The following TNRC6C variants were observed in gnomAD, a reference collection of about 807,000 sequenced individuals.
TNRC6C encodes trinucleotide repeat containing adaptor 6C, also known as trinucleotide repeat-containing gene 6C protein.
A neutral mutation model predicts 153.7 loss-of-function variants in TNRC6C; 20 were observed. The ratio of observed to expected loss-of-function variants is 0.13; its 90% confidence interval spans 0.09 to 0.19. The LOEUF is 0.19. Ranked by LOEUF, TNRC6C falls within the 10% of genes least tolerant of loss-of-function variation. The pLI, the probability that TNRC6C is intolerant of heterozygous loss-of-function variation, is 1.00. For missense variants in TNRC6C, 1,987 were observed against 2,172.0 expected, an observed-to-expected ratio of 0.91 and a Z score of 1.69; for synonymous variants, 811 against 841.4, an observed-to-expected ratio of 0.96 and a Z score of 0.63.
At chr17:78,103,642 C>A in intron 19 of TNRC6C, 89 bp downstream of exon 22, 1 of 1,541,622 alleles carries the variant, frequency 6.5e-7, no homozygotes, top group South Asian at 1.2e-5. Flanking sequence ...GTGTCCTGAG[C>A]CACCATAGCA....
intron 17 of TNRC6C, among the ~76,000 whole-genome samples, chr17:78,098,894 C>A (rs989444822): frequency 5.3e-5 from 8 of 152,222 alleles, no homozygotes; most frequent in African/African-American, 9.6e-5. Flanking sequence ...TCTCTGCCCC[C>A]ATGACTCCCC....
rs759335833 is a variant in TNRC6C, at chr17:77,977,850, A to G, written c.-38+18582A>G. 5.4e-4 allele frequency among the ~76,000 whole-genome samples: 82 copies of G among 151,854 alleles called. 1 individual carries two copies. Among genetic ancestry groups the G allele is most frequent in the South Asian group, 4.2e-4 (2 of 4,810 alleles). ...GAGACTCTTAAAATAATTTACCAGA[A>G]AGTGTAATTCATCAGTATCAGTATT... On this transcript the variant is annotated intron_variant, in intron 1 of 22. Coordinates refer to the TNRC6C transcript ENST00000636222.
chr17:78,076,178 T>C (rs1446865289), intron 8 of TNRC6C, among the ~76,000 whole-genome samples: 1 of 149,986 alleles, frequency 6.7e-6, no homozygotes, highest in African/African-American at 2.5e-5. Flanking sequence ...ATCGTGCCAT[T>C]GCACTCCAGC....
chr17:77,967,187 C>G (rs2070904109), intron 1 of TNRC6C, among the ~76,000 whole-genome samples: 1 of 152,098 alleles, frequency 6.6e-6, no homozygotes, highest in South Asian at 2.1e-4. Flanking sequence ...TCTTTTCTAT[C>G]AACTTTAGAC....
intron 2 of TNRC6C, among the ~76,000 whole-genome samples, chr17:78,033,014 C>T (rs572943131): frequency 2.6e-5 from 4 of 152,318 alleles, no homozygotes; most frequent in African/African-American, 9.6e-5. Context: ...TACAATCAAA[C>T]ATGCTACTTT....
intron 1 of TNRC6C, among the ~76,000 whole-genome samples, chr17:77,987,779 A>G (rs1241137595): frequency 6.6e-6 from 1 of 152,108 alleles, no homozygotes; most frequent in Non-Finnish European, 1.5e-5. Context: ...TCCCGGGTTC[A>G]AGCGATTCTC....
At chr17:78,029,977 G>C (rs1424994951) in intron 1 of TNRC6C, among the ~76,000 whole-genome samples, 1 of 152,064 alleles carries the variant, frequency 6.6e-6, no homozygotes, top group Non-Finnish European at 1.5e-5. Context: ...TGAAGGACCT[G>C]CCTTAGGCTG....
intron 1 of TNRC6C, among the ~76,000 whole-genome samples, chr17:77,985,983 A>G (rs555817701): frequency 6.6e-6 from 1 of 152,262 alleles, no homozygotes; most frequent in Non-Finnish European, 1.5e-5. Flanking sequence ...TGCAGTATAG[A>G]TAAGTCAGTA....
chr17:78,023,413 G>GCTC (rs918377939), intron 1 of TNRC6C, among the ~76,000 whole-genome samples: 9 of 151,906 alleles, frequency 5.9e-5, no homozygotes, highest in South Asian at 4.2e-4. Context: ...TCCTTCTCCT[G>GCTC]CTCCTCCTCC....
At chr17:78,002,228 C>T (rs2071423550), upstream of TNRC6C, among the ~76,000 whole-genome samples, 1 of 152,112 alleles carries the variant, frequency 6.6e-6, no homozygotes, top group African/African-American at 2.4e-5. Flanking sequence ...TACAGATTTT[C>T]TCCACTGTAA....
At chr17:77,998,319 G>C (rs2071360937) in intron 1 of TNRC6C, among the ~76,000 whole-genome samples, 1 of 152,146 alleles carries the variant, frequency 6.6e-6, no homozygotes, top group Non-Finnish European at 1.5e-5. Context: ...AGTTTTCTTT[G>C]AGTTTATCTT....
intron 1 of TNRC6C, among the ~76,000 whole-genome samples, chr17:78,011,287 C>G (rs1482440582): frequency 1.3e-5 from 2 of 152,196 alleles, no homozygotes; most frequent in Non-Finnish European, 2.9e-5. Flanking sequence ...CAAGATGACA[C>G]CCATCATCCC....
At position 78,061,368 on chromosome 17, in the gene TNRC6C, T is replaced by C. The variant is rs138789773; in HGVS notation, c.2396-3354T>C. On this transcript the variant is annotated intron_variant, in intron 3 of 19. Transcript: ENST00000301624. ...TCTATGTACTTAAAATCATTTTCTG[T>C]GTGCTGAAAATACTTGTTTTGCATC... 1.1e-4 allele frequency among the ~76,000 whole-genome samples: 17 copies of C among 152,342 alleles called. No individual in the cohort carries two copies. In the East Asian group the frequency reaches 3.3e-3, roughly 29 times the overall value.
At chr17:77,977,082 A>G (rs1324396403) in intron 1 of TNRC6C, among the ~76,000 whole-genome samples, 1 of 151,664 alleles carries the variant, frequency 6.6e-6, no homozygotes, top group Non-Finnish European at 1.5e-5. Flanking sequence ...GATGGTATCT[A>G]TTTTATGGTA....
At chr17:78,102,725 G>A (rs2073619927) in intron 18 of TNRC6C, 181 bp downstream of exon 21, 1 of 584,034 alleles carries the variant, frequency 1.7e-6, no homozygotes, top group African/African-American at 1.9e-5. Context: ...AGCGGCAGCA[G>A]ATGGGGCCCA....
Position 78,051,149 on chromosome 17 carries a change from C to T in TNRC6C, c.2087C>T (p.Pro696Leu), listed in dbSNP as rs754877910. ...ACAGGAACAGGGTGGATCGGGGGGCCGGTACCGGTCAAACAGAAGGACAGC... is the reference window on the plus strand; with the variant it reads ...ACAGGAACAGGGTGGATCGGGGGGCTGGTACCGGTCAAACAGAAGGACAGC... The change falls in exon 3 of 20, where the codon CCG (proline) becomes CTG (leucine). Residue 696 changes from proline (P) to leucine (L), a missense_variant. Pro to Leu is a moderately conservative substitution (Grantham distance 98). Coordinates refer to ENST00000301624, the Ensembl canonical transcript of TNRC6C. 87 of 1,575,124 alleles carry T rather than the reference C, an allele frequency of 5.5e-5. No homozygotes were observed. The highest frequency in any genetic ancestry group is 3.4e-4 in the Middle Eastern group (2 of 5,950).
rs569931447 is a variant in TNRC6C, at chr17:77,963,803, C to G, written c.-38+4535C>G. Among the ~76,000 whole-genome samples, 4 of 152,294 alleles carry G rather than the reference C, an allele frequency of 2.6e-5. No homozygotes were observed. The South Asian group carries it at 8.3e-4, about 32-fold the overall frequency. ...TCTGAGTTCCAGCTATGCATTGGAACTTTGGTTTTCTAAAATATAGTAGTG... is the reference window on the plus strand; with the variant it reads ...TCTGAGTTCCAGCTATGCATTGGAAGTTTGGTTTTCTAAAATATAGTAGTG... On this transcript the variant is annotated intron_variant, in intron 1 of 22. Coordinates refer to the TNRC6C transcript ENST00000636222.
chr17:78,004,266 A>G (rs976980470), upstream of TNRC6C: 10 of 1,231,632 alleles, frequency 8.1e-6, no homozygotes, highest in African/African-American at 1.2e-4. Context: ...GTGCTCAGAA[A>G]AAGGTTTGGC....
At chr17:77,968,935 C>T (rs187043399) in intron 1 of TNRC6C, among the ~76,000 whole-genome samples, 162 of 152,240 alleles carry the variant, frequency 1.1e-3, no homozygotes, top group African/African-American at 3.0e-3. Flanking sequence ...TAGAGAGAGA[C>T]CTGGTTTGAG....
Sources: gnomAD v4.1 joint callset for allele counts (sites outside exome capture counted in the v4.1 genomes callset) on GRCh38, gnomAD v4.1.1 for gene constraint, MANE v1.5 for transcripts, NCBI Gene and HGNC (gene_info 2026-07-23, HGNC 2026-07-21) for gene names.